The following C6orf62 variants were observed in gnomAD, a reference collection of about 807,000 sequenced individuals.
C6orf62 encodes uncharacterized protein C6orf62.
Under a neutral mutation model 26.8 loss-of-function variants are expected in C6orf62, and 16 were observed. The ratio of observed to expected loss-of-function variants is 0.60; its 90% CI spans 0.40 to 0.91. The LOEUF is 0.91. Among genes scored for constraint, C6orf62 ranks in the 40% least tolerant of loss-of-function variants. The probability of loss-of-function intolerance (pLI) is 0.00; values close to 1 mark genes in which losing one functional copy is unlikely to be tolerated. For synonymous variants in C6orf62, 112 were observed against 91.5 expected (o/e 1.22, Z -1.28); for missense variants, 192 against 271.4 (o/e 0.71, Z 2.06).
chr6:24,716,014 G>C, intron 2 of C6orf62, 134 bp downstream of exon 2: 1 of 685,778 alleles, frequency 1.5e-6, no homozygotes, highest in East Asian at 2.5e-5. Context: ...TTATCAACAT[G>C]GCACAAAGAC....
chr6:24,705,484 A>G lies in C6orf62; in HGVS notation c.*653T>C, dbSNP rs1489325721. On this transcript the variant is annotated 3_prime_UTR_variant, in exon 5 of 5. Coordinates refer to ENST00000378119, the MANE Select transcript of C6orf62 (RefSeq NM_030939.5). ...TCCACACGCAGCAGAATACTCTTAC[A>G]ATAGCAACTTGGGGAAAGAGATCTG... 2.6e-5 allele frequency: 4 copies of G among 152,658 alleles called. No individual in the cohort carries two copies. Among genetic ancestry groups the G allele is most frequent in the African/African-American group, 9.7e-5 (4 of 41,450 alleles). The allele number at this position is 152,658 out of a possible 1,614,324, so 9.5% of individuals were successfully genotyped here.
chr6:24,719,048 TAAA>T lies in C6orf62; in HGVS notation c.-383_-381del. ...CTATAATCAGGATTTAGGTGTGCAA[TAAA>T]ACACAGCTGACACCAGACCAATCCC... On this transcript the variant is annotated 5_prime_UTR_variant, in exon 1 of 5. Coordinates refer to ENST00000378119, the MANE Select transcript of C6orf62 (RefSeq NM_030939.5). 1 of 1,047,226 alleles carries T rather than the reference TAAA, an allele frequency of 9.5e-7. No individual in the cohort carries two copies. Among genetic ancestry groups the T allele is most frequent in the South Asian group, 2.9e-5 (1 of 34,214 alleles). 64.9% of individuals were successfully genotyped at this position (1,047,226 alleles called of 1,614,324 possible).
In C6orf62 at chr6:24,705,001, A is replaced by G. The variant is rs1171902758; in HGVS notation, c.*1136T>C. On this transcript the variant is annotated 3_prime_UTR_variant, in exon 5 of 5. Transcript: ENST00000378119. ...GTAAGCACTAGTTTTACTCCAAAGGAGTAGGATCATTCAGATTTACTCCAA... is the reference window on the plus strand; with the variant it reads ...GTAAGCACTAGTTTTACTCCAAAGGGGTAGGATCATTCAGATTTACTCCAA... 6.6e-6 allele frequency: 1 copy of G among 151,974 alleles called. No homozygotes were observed. The highest frequency in any genetic ancestry group is 2.4e-5 in the African/African-American group (1 of 41,292). The allele number at this position is 151,974 out of a possible 1,614,324, so 9.4% of individuals were successfully genotyped here. A position where few individuals can be genotyped will look rare whatever the true frequency, so the allele number is the denominator to read the frequency against.
rs372548301 is a variant in C6orf62 at position 24,718,502 on chromosome 6, T to C, written c.129+38A>G. On this transcript the variant is annotated intron_variant, in intron 1 of 4. Coordinates refer to ENST00000378119, the MANE Select transcript of C6orf62 (RefSeq NM_030939.5). ...AACAAATAATATACACTTACAAAAA[T>C]TACTTGTGCTAATTCACCATTAAGA... 3.9e-6 allele frequency: 6 copies of C among 1,544,890 alleles called. No homozygotes were observed. The African/African-American group carries it at 6.9e-5, about 18-fold the overall frequency.
At chr6:24,707,625 A>C (rs547390416) in intron 4 of C6orf62, among the ~76,000 whole-genome samples, 1 of 152,264 alleles carries the variant, frequency 6.6e-6, no homozygotes, top group East Asian at 1.9e-4. Flanking sequence ...TGCTAGGATT[A>C]CAAGTGTGAG....
upstream of C6orf62, chr6:24,720,475 A>T (rs1779334417): frequency 1.0e-5 from 9 of 888,092 alleles, no homozygotes; most frequent in Non-Finnish European, 1.3e-5. Context: ...AACGGAGGGG[A>T]AGGACGCGGA....
At chr6:24,719,687 G>A, upstream of C6orf62, 1 of 1,475,620 alleles carries the variant, frequency 6.8e-7, no homozygotes. Flanking sequence ...AGACTTCCCT[G>A]TGGATCTGCC....
upstream of C6orf62, chr6:24,719,977 AAG>A (rs1779321605): frequency 7.1e-6 from 11 of 1,546,094 alleles, no homozygotes; most frequent in South Asian, 1.3e-4. Context: ...GGGGGAAAAA[AAG>A]AAAATAATTG....
At chr6:24,707,534 T>C (rs563894166) in intron 4 of C6orf62, among the ~76,000 whole-genome samples, 1 of 152,200 alleles carries the variant, frequency 6.6e-6, no homozygotes, top group Non-Finnish European at 1.5e-5. Context: ...ATTTCTTTGA[T>C]TTTTTGTAGA....
chr6:24,714,644 C>G (rs148618598), intron 2 of C6orf62, among the ~76,000 whole-genome samples: 1 of 152,100 alleles, frequency 6.6e-6, no homozygotes, highest in Admixed American at 6.5e-5. Flanking sequence ...GAGACAGAGT[C>G]CCTCTCTGTG....
intron 1 of C6orf62, among the ~76,000 whole-genome samples, chr6:24,717,031 C>T (rs1396735123): frequency 6.6e-6 from 1 of 152,088 alleles, no homozygotes; most frequent in Non-Finnish European, 1.5e-5. Context: ...CCAAAACCAT[C>T]AATATTTGAA....
intron 3 of C6orf62, chr6:24,710,559 C>T (rs1232380211): frequency 6.1e-6 from 6 of 983,562 alleles, no homozygotes; most frequent in South Asian, 4.7e-5. Flanking sequence ...CAACCGCGCC[C>T]GGCCCAAATT....
chr6:24,716,740 T>C (rs376398896), intron 1 of C6orf62, among the ~76,000 whole-genome samples: 1 of 152,062 alleles, frequency 6.6e-6, no homozygotes, highest in Non-Finnish European at 1.5e-5. Flanking sequence ...TTTTTTTTTT[T>C]GAGATGGAGT....
At chr6:24,709,471 G>A (rs1010417108) in intron 3 of C6orf62, 62 of 971,504 alleles carry the variant, frequency 6.4e-5, no homozygotes, top group Middle Eastern at 5.2e-4. Context: ...CACTAGTTAC[G>A]TGACCGTATG....
rs954060873 is a variant in C6orf62 at position 24,715,716 on chromosome 6, C to T, written c.306+432G>A. On this transcript the variant is annotated intron_variant, in intron 2 of 4. Coordinates refer to ENST00000378119, the MANE Select transcript of C6orf62 (RefSeq NM_030939.5). Reference sequence around the variant, plus strand: ...ACAAAAAATTAGCCAGGCATGGTGGCGCACAACTGTAGTCCCAGCTACTCG... The same window carrying T: ...ACAAAAAATTAGCCAGGCATGGTGGTGCACAACTGTAGTCCCAGCTACTCG... Among the ~76,000 whole-genome samples, 20 of 151,912 alleles carry T rather than the reference C, an allele frequency of 1.3e-4. 1 individual carries two copies. Among genetic ancestry groups the T allele is most frequent in the Middle Eastern group, 3.4e-3 (1 of 294 alleles).
At chr6:24,720,036 A>T, upstream of C6orf62, 2 of 1,221,840 alleles carry the variant, frequency 1.6e-6, no homozygotes, top group Non-Finnish European at 2.2e-6. Flanking sequence ...CCCCCCAAAA[A>T]ATTAAGTTCC....
At chr6:24,709,864 G>T in intron 3 of C6orf62, 1 of 980,738 alleles carries the variant, frequency 1.0e-6, no homozygotes, top group Non-Finnish European at 1.2e-6. Context: ...ATACTGAGTT[G>T]TACAAATAAT....
intron 2 of C6orf62, 25 bp downstream of exon 2, chr6:24,716,123 A>C (rs1410260103): frequency 6.2e-7 from 1 of 1,602,672 alleles, no homozygotes; most frequent in Non-Finnish European, 8.5e-7. Flanking sequence ...AACTTTATCA[A>C]GTCAAGACTT....
upstream of C6orf62, chr6:24,719,532 A>C: frequency 8.5e-7 from 1 of 1,178,056 alleles, no homozygotes; most frequent in African/African-American, 1.6e-5. Flanking sequence ...GCGGCTGCTA[A>C]CGCTGCTGCC....
Sources: allele counts gnomAD v4.1 joint callset (sites outside exome capture counted in the v4.1 genomes callset), GRCh38; gene constraint gnomAD v4.1.1; transcripts MANE v1.5; gene names NCBI Gene and HGNC (gene_info 2026-07-23, HGNC 2026-07-21).